Variants in RBFOX1 observed in about 807,000 individuals in gnomAD.
The protein encoded by RBFOX1 is RNA binding fox-1 homolog 1, also known as RNA binding protein fox-1 homolog 1.
Under a neutral mutation model 57.7 loss-of-function variants are expected in RBFOX1, and 8 were observed. The ratio of observed to expected loss-of-function variants is 0.14; its 90% confidence interval spans 0.08 to 0.25. The LOEUF (loss-of-function observed/expected upper bound fraction) is 0.25. Among genes scored for constraint, RBFOX1 ranks in the 10% least tolerant of loss-of-function variants. The probability of loss-of-function intolerance (pLI) is 1.00; values close to 1 mark genes in which losing one functional copy is unlikely to be tolerated. For missense variants in RBFOX1, 611 were observed against 548.5 expected (o/e 1.11, Z -1.14); for synonymous variants, 326 against 222.4 (o/e 1.47, Z -4.15).
intron 1 of RBFOX1, chr16:6,093,033 A>G (rs1375579195): frequency 1.3e-5 from 2 of 152,220 alleles, no homozygotes; most frequent in Non-Finnish European, 2.9e-5. Flanking sequence ...TACCTGTATG[A>G]CAAACCTGCA....
intron 3 of RBFOX1, among the ~76,000 whole-genome samples, chr16:7,040,219 C>A (rs1055858336): frequency 2.6e-5 from 4 of 151,822 alleles, no homozygotes; most frequent in South Asian, 4.2e-4. Context: ...CGGGGTTTCA[C>A]CATGTTGGCC....
intron 3 of RBFOX1, among the ~76,000 whole-genome samples, chr16:6,946,854 C>T (rs1302976538): frequency 6.6e-6 from 1 of 152,162 alleles, no homozygotes; most frequent in Non-Finnish European, 1.5e-5. Flanking sequence ...AGCAATCCTC[C>T]TGCCTTGGCC....
intron 5 of RBFOX1, among the ~76,000 whole-genome samples, chr16:7,569,636 A>G (rs911262930): frequency 2.6e-5 from 4 of 152,216 alleles, no homozygotes; most frequent in Non-Finnish European, 5.9e-5. Flanking sequence ...TTAGAACCTT[A>G]ACATCTTTAA....
At chr16:6,060,724 A>G (rs190272320) in intron 1 of RBFOX1, among the ~76,000 whole-genome samples, 1 of 152,334 alleles carries the variant, frequency 6.6e-6, no homozygotes, top group African/African-American at 2.4e-5. Flanking sequence ...GCTGTTTCCC[A>G]GGATTCAGGG....
chr16:7,114,287 T>C (rs949653851), intron 4 of RBFOX1, among the ~76,000 whole-genome samples: 1 of 152,194 alleles, frequency 6.6e-6, no homozygotes. Context: ...GGAGATTTTA[T>C]ATTCAAACTG....
At chr16:6,763,196 T>G (rs1289489836) in intron 3 of RBFOX1, among the ~76,000 whole-genome samples, 1 of 152,232 alleles carries the variant, frequency 6.6e-6, no homozygotes, top group African/African-American at 2.4e-5. Flanking sequence ...GCTCAATGTT[T>G]ATCAAGTGGA....
intron 14 of RBFOX1, among the ~76,000 whole-genome samples, chr16:7,681,371 C>G (rs528720167): frequency 1.3e-5 from 2 of 152,026 alleles, no homozygotes; most frequent in South Asian, 2.1e-4. Flanking sequence ...AGGACTAAAT[C>G]CTTATGCACA....
intron 5 of RBFOX1, among the ~76,000 whole-genome samples, chr16:7,566,345 G>A (rs1435047197): frequency 6.6e-6 from 1 of 152,084 alleles, no homozygotes; most frequent in Non-Finnish European, 1.5e-5. Context: ...CTAGAACATA[G>A]GCAGTTAGGG....
chr16:6,349,059 T>C (rs1014662693), intron 2 of RBFOX1, among the ~76,000 whole-genome samples: 1 of 152,168 alleles, frequency 6.6e-6, no homozygotes, highest in Non-Finnish European at 1.5e-5. Context: ...AAAGAATAAC[T>C]GTTGGCTAGG....
chr16:5,332,473 A>C (rs1262480809), intron 1 of RBFOX1, among the ~76,000 whole-genome samples: 3 of 152,186 alleles, frequency 2.0e-5, no homozygotes, highest in South Asian at 2.1e-4. Flanking sequence ...CATGTTGGCC[A>C]GGCTGGTCTT....
In RBFOX1 at chr16:5,489,345, A is replaced by C. The variant is rs184181777; in HGVS notation, c.258+22091A>C. ...GGATAAAGGGCAAAGAATTAGGCAC[A>C]AACATCCTTAATGTCCAGGGCTCAC... On this transcript the variant is annotated intron_variant, in intron 2 of 2. Transcript: ENST00000585867. Among the ~76,000 whole-genome samples, 102 of 152,338 alleles carry C rather than the reference A, an allele frequency of 6.7e-4. 1 individual carries two copies. Among genetic ancestry groups the C allele is most frequent in the Admixed American group, 4.7e-3 (72 of 15,308 alleles).
At chr16:7,149,714 C>T (rs1297036398) in intron 4 of RBFOX1, among the ~76,000 whole-genome samples, 2 of 152,112 alleles carry the variant, frequency 1.3e-5, no homozygotes, top group African/African-American at 4.8e-5. Flanking sequence ...GCTTATCCTC[C>T]TGTGGCTCTT....
intron 4 of RBFOX1, among the ~76,000 whole-genome samples, chr16:6,004,972 C>G (rs1445245775): frequency 6.6e-6 from 1 of 151,538 alleles, no homozygotes; most frequent in South Asian, 2.1e-4. Flanking sequence ...GGGAAAGGGT[C>G]ATGAAATTTG....
chr16:6,876,557 C>G (rs75520861), intron 3 of RBFOX1, among the ~76,000 whole-genome samples: 3 of 152,088 alleles, frequency 2.0e-5, no homozygotes, highest in South Asian at 2.1e-4. Context: ...TAAGTCACTT[C>G]TATAAAAATT....
At chr16:7,134,965 G>T (rs914918084) in intron 4 of RBFOX1, among the ~76,000 whole-genome samples, 1 of 151,634 alleles carries the variant, frequency 6.6e-6, no homozygotes, top group Admixed American at 6.6e-5. Flanking sequence ...CGTTCCAAGA[G>T]AGAGAGATGA....
At chr16:7,357,541 T>C (rs1444619330) in intron 4 of RBFOX1, among the ~76,000 whole-genome samples, 1 of 152,168 alleles carries the variant, frequency 6.6e-6, no homozygotes, top group African/African-American at 2.4e-5. Context: ...CCTCCACCTC[T>C]TTTCATACTT....
At chr16:5,944,964 TAAAAAAAA>T (rs386384118) in intron 4 of RBFOX1, among the ~76,000 whole-genome samples, 3 of 48,052 alleles carry the variant, frequency 6.2e-5, no homozygotes, top group Non-Finnish European at 1.0e-4. Flanking sequence ...GACTCTGTCA[TAAAAAAAA>T]AAAAAAAAAA....
At chr16:7,072,673 A>G (rs976538402) in intron 4 of RBFOX1, among the ~76,000 whole-genome samples, 17 of 152,184 alleles carry the variant, frequency 1.1e-4, no homozygotes, top group African/African-American at 2.9e-4. Flanking sequence ...GTTTTTTGCC[A>G]TGTTAGAATA....
intron 11 of RBFOX1, among the ~76,000 whole-genome samples, chr16:7,644,425 C>T (rs1335823653): frequency 6.6e-6 from 1 of 152,232 alleles, no homozygotes; most frequent in Non-Finnish European, 1.5e-5. Flanking sequence ...CCTTGAATTA[C>T]TCCAGTTATC....
Sources: allele counts gnomAD v4.1 joint callset (sites outside exome capture counted in the v4.1 genomes callset), GRCh38; gene constraint gnomAD v4.1.1; transcripts MANE v1.5; gene names NCBI Gene and HGNC (gene_info 2026-07-23, HGNC 2026-07-21).